The following FAT1 variants were observed in gnomAD, a reference collection of about 807,000 sequenced individuals.
FAT1 encodes the protein protocadherin Fat 1.
In FAT1, 171 loss-of-function variants were observed where a neutral mutation model predicts 329.8. That is an observed-to-expected ratio of 0.52 (90% CI 0.46 to 0.59). The LOEUF (loss-of-function observed/expected upper bound fraction) is 0.59, where lower values mean the gene tolerates loss of function less well. Among genes scored for constraint, FAT1 ranks in the 20% least tolerant of loss-of-function variants. The probability of loss-of-function intolerance (pLI) is 0.00; values close to 1 mark genes in which losing one functional copy is unlikely to be tolerated. For synonymous variants in FAT1, 2,233 were observed against 2,228.6 expected (o/e 1.00, Z -0.06); for missense variants, 5,672 against 5,774.4 (o/e 0.98, Z 0.57).
At chr4:186,711,098 G>A (rs1031214766) in intron 1 of FAT1, among the ~76,000 whole-genome samples, 14 of 152,176 alleles carry the variant, frequency 9.2e-5, no homozygotes, top group African/African-American at 3.1e-4. Context: ...GCTACCAGAG[G>A]TAAATGAAGA....
intron 3 of FAT1, among the ~76,000 whole-genome samples, chr4:186,656,288 G>A (rs925232577): frequency 1.3e-5 from 2 of 152,208 alleles, no homozygotes; most frequent in Admixed American, 1.3e-4. Context: ...GCACGGTCCT[G>A]CACCAGTCAT....
chr4:186,719,741 C>T (rs1745379246), intron 1 of FAT1, among the ~76,000 whole-genome samples: 1 of 152,196 alleles, frequency 6.6e-6, no homozygotes, highest in Non-Finnish European at 1.5e-5. Flanking sequence ...GCTCTCAAAC[C>T]TTCATTTCTC....
upstream of FAT1, among the ~76,000 whole-genome samples, chr4:186,724,420 C>CT (rs1745637099): frequency 6.6e-6 from 1 of 152,174 alleles, no homozygotes; most frequent in Admixed American, 6.5e-5. The surrounding 1 kb of genome is among the most constrained non-coding windows in gnomAD (Gnocchi z 5.3). Flanking sequence ...CCCCCGCGAC[C>CT]TTTTTCTGCC....
At chr4:186,637,912 T>C (rs1433547120) in intron 4 of FAT1, among the ~76,000 whole-genome samples, 1 of 152,260 alleles carries the variant, frequency 6.6e-6, no homozygotes, top group African/African-American at 2.4e-5. Flanking sequence ...CCTAAGCTTT[T>C]TCAAAATAAA....
Position 186,709,568 on chromosome 4 carries a change from T to A in FAT1, c.260A>T (p.Glu87Val), listed in dbSNP as rs1744845016. Reference protein sequence around the residue: ...GDSENLFKAEEYILGDFCFLR... With the variant: ...GDSENLFKAEVYILGDFCFLR... ...AAAGCAAAAGTCTCCGAGAATGTACTCTTCAGCTTTGAACAGGTTTTCACT... is the reference window on the plus strand; with the variant it reads ...AAAGCAAAAGTCTCCGAGAATGTACACTTCAGCTTTGAACAGGTTTTCACT... The change falls in exon 2 of 27, where the codon GAG (glutamate) becomes GTG (valine). Residue 87 changes from glutamate to valine, a missense_variant. Around this residue, in one of 2 missense-constraint regions of FAT1, gnomAD observed 3,966 missense variants for 3,915.2 expected, o/e 1.01. Transcript: ENST00000441802. 2 of 1,613,976 alleles carry A rather than the reference T, an allele frequency of 1.2e-6. No individual in the cohort carries two copies.
At chr4:186,669,341 C>T (rs73873684) in intron 2 of FAT1, among the ~76,000 whole-genome samples, 1 of 152,170 alleles carries the variant, frequency 6.6e-6, no homozygotes, top group South Asian at 2.1e-4. Flanking sequence ...GCCGTGCACA[C>T]GCAGTGAGAG....
intron 7 of FAT1, 74 bp from the exon 8 acceptor site, chr4:186,628,837 GAA>G: frequency 7.1e-7 from 1 of 1,418,150 alleles, no homozygotes; most frequent in Non-Finnish European, 9.5e-7. Context: ...AACCATGAAC[GAA>G]AGTCATGTAT....
intron 2 of FAT1, among the ~76,000 whole-genome samples, chr4:186,679,983 A>C (rs1743137743): frequency 6.6e-6 from 1 of 152,214 alleles, no homozygotes. Flanking sequence ...GGCCCAGTAA[A>C]CTAACCTGTT....
chr4:186,638,649 A>G (rs1188531738), intron 4 of FAT1, among the ~76,000 whole-genome samples: 3 of 147,320 alleles, frequency 2.0e-5, no homozygotes, highest in African/African-American at 7.4e-5. Context: ...ACACACATAC[A>G]CTGCACAACT....
At chr4:186,679,371 C>T (rs938356656) in intron 2 of FAT1, among the ~76,000 whole-genome samples, 14 of 139,444 alleles carry the variant, frequency 1.0e-4, no homozygotes, top group Admixed American at 5.3e-4. Context: ...GAGCTGAGAT[C>T]GCACCACTGC....
At chr4:186,589,491 A>G (rs1738138835) in intron 26 of FAT1, among the ~76,000 whole-genome samples, 1 of 152,206 alleles carries the variant, frequency 6.6e-6, no homozygotes, top group Non-Finnish European at 1.5e-5. Context: ...GAGTCCTAAG[A>G]GAAATGGGAT....
rs1223633596 is a variant in FAT1 at position 186,596,757 on chromosome 4, T to C, written c.12783A>G (p.Pro4261=). 4.3e-6 allele frequency: 7 copies of C among 1,613,896 alleles called. No individual in the cohort carries two copies. Among genetic ancestry groups the C allele is most frequent in the African/African-American group, 1.3e-5 (1 of 74,940 alleles). Residue 4261 remains proline, a synonymous_variant, in exon 25 of 27, where the codon CCA becomes CCG. Transcript: ENST00000441802. This position sits in a 1 kb window ranked among gnomAD's most constrained non-coding sequence, Gnocchi z 4.7. ...GGTCCAGATTGTTTCTTGAGTCACT[T>C]GGAATACTCGGGGTGTAGGAAATAG... ...VRPISYTPSI[P]SDSRNNLDRN... is the part of the protein sequence containing the mutation.
chr4:186,720,422 A>G (rs1301744916), intron 1 of FAT1, among the ~76,000 whole-genome samples: 1 of 152,200 alleles, frequency 6.6e-6, no homozygotes, highest in African/African-American at 2.4e-5. Flanking sequence ...ATAACATGGT[A>G]CGGTGAGGTC....
chr4:186,641,200 C>A (rs149540712), intron 3 of FAT1, among the ~76,000 whole-genome samples: 1 of 152,098 alleles, frequency 6.6e-6, no homozygotes, highest in African/African-American at 2.4e-5. Flanking sequence ...CACAATTCAA[C>A]GAAACAGTGT....
intron 1 of FAT1, among the ~76,000 whole-genome samples, chr4:186,715,429 C>T (rs575003192): frequency 6.6e-6 from 1 of 152,300 alleles, no homozygotes; most frequent in East Asian, 1.9e-4. Context: ...CAGAATGCTA[C>T]TGTGAGTAGA....
chr4:186,705,135 G>T (rs964746810), intron 2 of FAT1, among the ~76,000 whole-genome samples: 2 of 144,460 alleles, frequency 1.4e-5, no homozygotes, highest in African/African-American at 2.6e-5. Flanking sequence ...TGGTAGGAAC[G>T]AGGTTTTGCT....
chr4:186,618,495 T>C lies in FAT1; in HGVS notation c.8091A>G (p.Glu2697=), dbSNP rs754988821. Residue 2697 remains glutamate, a synonymous_variant, in exon 10 of 27, where the codon GAA becomes GAG. Coordinates refer to ENST00000441802, the MANE Select transcript of FAT1 (RefSeq NM_005245.4). ...GTTCTGAAAATTTTGGAAGCTGCAT[T>C]TCCGGTGGAAGGATTTTAACATAGA... is the stretch of plus-strand genomic sequence containing the variant. ...VLVYVKILPP[E]MQLPKFSEPF... 2 of 1,613,942 alleles carry C rather than the reference T, an allele frequency of 1.2e-6. No homozygotes were observed. The highest frequency in any genetic ancestry group is 1.7e-6 in the Non-Finnish European group (2 of 1,179,912).
rs1740695400 is a variant in FAT1 at position 186,633,709 on chromosome 4, T to C, written c.4298A>G (p.Asp1433Gly). 1.2e-6 allele frequency: 2 copies of C among 1,613,978 alleles called. No homozygotes were observed. The highest frequency in any genetic ancestry group is 1.1e-5 in the South Asian group (1 of 91,086). Residue 1433 changes from aspartate (D) to glycine (G), a missense_variant, in exon 7 of 27, where the codon GAT becomes GGT. Around this residue, in one of 2 missense-constraint regions of FAT1, gnomAD observed 3,966 missense variants for 3,915.2 expected, o/e 1.01. Coordinates refer to ENST00000441802, the MANE Select transcript of FAT1 (RefSeq NM_005245.4). The stretch of plus-strand genomic sequence containing the variant: ...CTGAGTGAGGATAGTGGTGGTTCCA[T>C]CTGTAGCCTCGACTGTGAGGTTGTA... ...SNYNLTVEAT[D>G]GTTTILTQVF...
At chr4:186,692,715 G>GC (rs141226562) in intron 2 of FAT1, among the ~76,000 whole-genome samples, 6,906 of 152,006 alleles carry the variant, frequency 0.045, 286 homozygotes, top group African/African-American at 0.1. Context: ...CTATTTCCAC[G>GC]CCCCCCAGTC....
Sources: gnomAD v4.1 joint callset for allele counts (sites outside exome capture counted in the v4.1 genomes callset) on GRCh38, gnomAD v4.1.1 for gene constraint, gnomAD v4.1.1 regional missense constraint, Gnocchi (gnomAD v3.1) non-coding constraint, MANE v1.5 for transcripts, NCBI Gene and HGNC (gene_info 2026-07-23, HGNC 2026-07-21) for gene names.